DMXL2: variants seen among roughly 807,000 people sequenced by gnomAD.
DMXL2 encodes dmX-like protein 2.
A neutral mutation model predicts 331.1 loss-of-function variants in DMXL2; 103 were observed. That is an observed-to-expected ratio of 0.31 (90% CI 0.27 to 0.37). The LOEUF (loss-of-function observed/expected upper bound fraction) is 0.37. Among genes scored for constraint, DMXL2 ranks in the 10% least tolerant of loss-of-function variants. The pLI, the probability that DMXL2 is intolerant of heterozygous loss-of-function variation, is 1.00. For missense variants in DMXL2, 3,171 were observed against 3,642.9 expected, an observed-to-expected ratio of 0.87 and a Z score of 3.33; for synonymous variants, 1,281 against 1,252.1, an observed-to-expected ratio of 1.02 and a Z score of -0.49.
At chr15:51,525,652 T>C (rs1293713853) in intron 13 of DMXL2, among the ~76,000 whole-genome samples, 6 of 152,152 alleles carry the variant, frequency 3.9e-5, no homozygotes, top group South Asian at 2.1e-4. Flanking sequence ...TTGGTAGTAG[T>C]CTGGAAGTAC....
chr15:51,612,066 C>T (rs1008385260), intron 1 of DMXL2, among the ~76,000 whole-genome samples: 4 of 152,118 alleles, frequency 2.6e-5, no homozygotes, highest in African/African-American at 9.7e-5. Context: ...TAACATTGAC[C>T]GCGAAGGTCT....
chr15:51,482,253 A>G (rs2042068119), intron 23 of DMXL2, among the ~76,000 whole-genome samples: 1 of 152,188 alleles, frequency 6.6e-6, no homozygotes, highest in African/African-American at 2.4e-5. Context: ...AGCAGAATGT[A>G]CCATAAAACA....
At chr15:51,483,188 G>A (rs1326556845) in intron 23 of DMXL2, among the ~76,000 whole-genome samples, 2 of 152,110 alleles carry the variant, frequency 1.3e-5, no homozygotes, top group Admixed American at 6.5e-5. Context: ...TTCACGCAAC[G>A]GCACTGACCC....
At chr15:51,594,638 T>C (rs1228035749) in intron 1 of DMXL2, among the ~76,000 whole-genome samples, 1 of 152,154 alleles carries the variant, frequency 6.6e-6, no homozygotes, top group Non-Finnish European at 1.5e-5. Flanking sequence ...CCAATATCCC[T>C]GATGAACATT....
chr15:51,450,437 CT>C, intron 42 of DMXL2, 91 bp from the exon 43 acceptor site: 6 of 1,190,130 alleles, frequency 5.0e-6, no homozygotes, highest in Non-Finnish European at 7.4e-6. Flanking sequence ...ACAGACCTTA[CT>C]GATGCATTTT....
intron 33 of DMXL2, chr15:51,460,333 A>G (rs2040002773): frequency 4.1e-6 from 4 of 985,378 alleles, no homozygotes; most frequent in Non-Finnish European, 4.8e-6. Context: ...GGGCCATTCA[A>G]ATTTTCTGCC....
intron 1 of DMXL2, among the ~76,000 whole-genome samples, chr15:51,588,412 G>A (rs60117948): frequency 0.014 from 2,083 of 152,136 alleles, 51 homozygotes; most frequent in African/African-American, 0.047. Context: ...GGCCAGGAGC[G>A]CTGGGATTAC....
intron 20 of DMXL2, among the ~76,000 whole-genome samples, chr15:51,489,545 T>C (rs1475424065): frequency 1.3e-5 from 2 of 151,822 alleles, no homozygotes; most frequent in Non-Finnish European, 2.9e-5. Flanking sequence ...TAGTCCCAGC[T>C]ACTTGGAGGC....
intron 43 of DMXL2, among the ~76,000 whole-genome samples, chr15:51,449,577 A>T (rs2038955460): frequency 6.6e-6 from 1 of 152,242 alleles, no homozygotes; most frequent in African/African-American, 2.4e-5. Flanking sequence ...ACTTTATGAC[A>T]GTGTGAAAGC....
chr15:51,601,696 T>C (rs2053240603), intron 1 of DMXL2, among the ~76,000 whole-genome samples: 1 of 152,236 alleles, frequency 6.6e-6, no homozygotes, highest in Non-Finnish European at 1.5e-5. Flanking sequence ...TCTTCTTTAT[T>C]GCTCTTCAAT....
chr15:51,511,332 T>TA (rs1288376404), intron 15 of DMXL2, among the ~76,000 whole-genome samples: 1 of 152,086 alleles, frequency 6.6e-6, no homozygotes, highest in Non-Finnish European at 1.5e-5. Context: ...ATAAGGAACT[T>TA]AAACAAATTT....
chr15:51,513,095 A>T (rs1433054191), intron 15 of DMXL2, among the ~76,000 whole-genome samples: 2 of 152,286 alleles, frequency 1.3e-5, no homozygotes, highest in Non-Finnish European at 1.5e-5. Flanking sequence ...TTTCACACAA[A>T]AACTAAAGGA....
intron 43 of DMXL2, 51 bp from the exon 44 acceptor site, chr15:51,449,244 A>G (rs1483697464): frequency 6.3e-7 from 1 of 1,586,202 alleles, no homozygotes; most frequent in South Asian, 1.1e-5. Flanking sequence ...GACCAAAAGC[A>G]AAAACATGGC....
At chr15:51,570,530 G>C (rs897207916) in intron 2 of DMXL2, among the ~76,000 whole-genome samples, 12 of 152,120 alleles carry the variant, frequency 7.9e-5, no homozygotes, top group African/African-American at 2.4e-4. Flanking sequence ...AAAATGTTAA[G>C]GGCAGCCAGA....
Position 51,491,673 on chromosome 15 carries a change from T to C in DMXL2, c.4858A>G (p.Ile1620Val), listed in dbSNP as rs752487644. 8.1e-6 allele frequency: 13 copies of C among 1,613,954 alleles called. No individual in the cohort carries two copies. The highest frequency in any genetic ancestry group is 1.1e-5 in the Non-Finnish European group (13 of 1,179,952). ...EEELINMIPA[I>V]QRGDPQWSEL... Reference sequence around the variant, plus strand: ...GACCACTGGGGGTCCCCTCTCTGAATTGCTGGAATCATATTAATCAGTTCT... The same window carrying C: ...GACCACTGGGGGTCCCCTCTCTGAACTGCTGGAATCATATTAATCAGTTCT... Residue 1620 changes from isoleucine to valine, a missense_variant, in exon 20 of 44, where the codon ATT becomes GTT. Ile to Val is a conservative substitution (Grantham distance 29, BLOSUM62 3). Around this residue, in one of 7 missense-constraint regions of DMXL2, gnomAD observed 252 missense variants for 387.4 expected, o/e 0.65. Coordinates refer to ENST00000560891, the MANE Select transcript of DMXL2 (RefSeq NM_001378457.1).
At chr15:51,544,654 A>G (rs2048793428) in intron 8 of DMXL2, among the ~76,000 whole-genome samples, 1 of 152,188 alleles carries the variant, frequency 6.6e-6, no homozygotes, top group South Asian at 2.1e-4. Flanking sequence ...TGACTATGCA[A>G]CCTTTAAACT....
chr15:51,604,834 T>C (rs542976540), intron 1 of DMXL2, among the ~76,000 whole-genome samples: 2 of 152,318 alleles, frequency 1.3e-5, no homozygotes. Context: ...ACTACTCAAT[T>C]ATAAGACTTA....
At chr15:51,578,195 C>T (rs145254468) in intron 1 of DMXL2, among the ~76,000 whole-genome samples, 1 of 152,274 alleles carries the variant, frequency 6.6e-6, no homozygotes, top group East Asian at 1.9e-4. Flanking sequence ...AATTCAAGTG[C>T]ATTAATTTGC....
chr15:51,488,122 G>C lies in DMXL2; in HGVS notation c.5052-3C>G. 1 of 1,593,362 alleles carries C rather than the reference G, an allele frequency of 6.3e-7. No homozygotes were observed. The highest frequency in any genetic ancestry group is 8.5e-7 in the Non-Finnish European group (1 of 1,171,136). ...TCATTTTTTCATCATGCTGTGACCT[G>C]GGGACCGAGCATAAACATAAAGTGG... On this transcript the variant is annotated splice_region_variant and splice_polypyrimidine_tract_variant and intron_variant, in intron 21 of 43. Transcript: ENST00000560891.
Sources: gnomAD v4.1 joint callset for allele counts (sites outside exome capture counted in the v4.1 genomes callset) on GRCh38, gnomAD v4.1.1 for gene constraint, gnomAD v4.1.1 regional missense constraint, MANE v1.5 for transcripts, NCBI Gene and HGNC (gene_info 2026-07-23, HGNC 2026-07-21) for gene names.